USO1: variants seen among roughly 807,000 people sequenced by gnomAD.
USO1 encodes the protein general vesicular transport factor p115.
In USO1, 57 loss-of-function variants were observed where a neutral mutation model predicts 124.5. The observed-to-expected ratio is 0.46, with a 90% CI of 0.37 to 0.57. The LOEUF (loss-of-function observed/expected upper bound fraction) is 0.57, where lower values mean the gene tolerates loss of function less well. USO1 is among the 20% of genes least tolerant of loss of function. The probability of loss-of-function intolerance (pLI) is 0.00; values close to 1 mark genes in which losing one functional copy is unlikely to be tolerated. For synonymous variants in USO1, 369 were observed against 362.8 expected (o/e 1.02, Z -0.19); for missense variants, 900 against 1,040.6 (o/e 0.86, Z 1.86).
intron 12 of USO1, among the ~76,000 whole-genome samples, chr4:75,793,034 T>C (rs1325857214): frequency 6.6e-6 from 1 of 152,146 alleles, no homozygotes; most frequent in East Asian, 1.9e-4. Flanking sequence ...TTTCACTTAA[T>C]ATAATGATCT....
intron 1 of USO1, among the ~76,000 whole-genome samples, chr4:75,745,767 G>A (rs943523594): frequency 1.4e-5 from 2 of 145,780 alleles, no homozygotes; most frequent in African/African-American, 5.5e-5. Context: ...GGACGTAGTG[G>A]CACATGTTTG....
chr4:75,810,581 A>G, intron 22 of USO1, 42 bp downstream of exon 22: 1 of 1,542,442 alleles, frequency 6.5e-7, no homozygotes. Flanking sequence ...ATATGATATG[A>G]AATGAACTCT....
At chr4:75,802,299 T>C (rs1446853084) in intron 17 of USO1, among the ~76,000 whole-genome samples, 2 of 152,168 alleles carry the variant, frequency 1.3e-5, no homozygotes, top group Admixed American at 6.5e-5. Context: ...GGTACAAAGA[T>C]GGAGCCATTT....
intron 4 of USO1, among the ~76,000 whole-genome samples, chr4:75,769,002 A>G (rs1227473886): frequency 6.6e-6 from 1 of 152,120 alleles, no homozygotes; most frequent in Admixed American, 6.5e-5. Context: ...AGTGTTTCCA[A>G]TCTCAGTAAA....
At chr4:75,800,981 C>G (rs2149189656) in intron 16 of USO1, 98 bp from the exon 17 acceptor site, 1 of 1,381,042 alleles carries the variant, frequency 7.2e-7, no homozygotes, top group South Asian at 1.6e-5. Context: ...TTATTTCTTA[C>G]CTATCATGGA....
chr4:75,801,160 A>G lies in USO1; in HGVS notation c.1946A>G (p.Asp649Gly). 6.2e-7 allele frequency: 1 copy of G among 1,611,276 alleles called. No individual in the cohort carries two copies. The highest frequency in any genetic ancestry group is 8.5e-7 in the Non-Finnish European group (1 of 1,178,818). The change falls in exon 17 of 24, where the codon GAC becomes GGC. Residue 649 changes from aspartate to glycine, a missense_variant. Asp to Gly is a moderately conservative substitution (Grantham distance 94). This residue lies in a region of USO1 where 362 missense variants were observed against 359.0 expected (regional missense o/e 1.01). Coordinates refer to ENST00000514213, the MANE Select transcript of USO1 (RefSeq NM_003715.4). ...GTGAAAAAAACATTAGAACAGCATG[A>G]CAATATTGTGACTCACTACAAAAAT... ...EEVKKTLEQH[D>G]NIVTHYKNMI...
chr4:75,774,469 T>G (rs1224159243), intron 7 of USO1, among the ~76,000 whole-genome samples: 1 of 152,232 alleles, frequency 6.6e-6, no homozygotes, highest in Non-Finnish European at 1.5e-5. Flanking sequence ...TAGAAGAGGA[T>G]TCTAGTCTAG....
chr4:75,754,611 C>T (rs751443181), intron 3 of USO1, among the ~76,000 whole-genome samples: 1 of 152,212 alleles, frequency 6.6e-6, no homozygotes, highest in Non-Finnish European at 1.5e-5. Flanking sequence ...CCTTCGACCA[C>T]TTTTACCCTA....
chr4:75,727,180 C>T (rs1720488692), intron 1 of USO1, among the ~76,000 whole-genome samples: 1 of 152,154 alleles, frequency 6.6e-6, no homozygotes, highest in Non-Finnish European at 1.5e-5. Context: ...TAGAAAGTCC[C>T]AGATAGAGCC....
intron 19 of USO1, 73 bp from the exon 20 acceptor site, chr4:75,806,413 G>C: frequency 6.7e-7 from 1 of 1,491,310 alleles, no homozygotes; most frequent in Admixed American, 2.2e-5. Context: ...GTTTATATGT[G>C]TACAGTTCTG....
rs112130986 is a variant in USO1 at position 75,779,994 on chromosome 4, A to G, written c.677-2686A>G. Among the ~76,000 whole-genome samples, 557 of 152,262 alleles carry G rather than the reference A, an allele frequency of 3.7e-3. 2 individuals are homozygous for G. The highest frequency in any genetic ancestry group is 0.013 in the African/African-American group (545 of 41,558). ...AAGTTGAAGCCAGTGCTCACTTACC[A>G]TTCTGAAAATCCTAGGACCCTTAAG... On this transcript the variant is annotated intron_variant, in intron 8 of 23. Coordinates refer to ENST00000514213, the MANE Select transcript of USO1 (RefSeq NM_003715.4).
chr4:75,739,544 T>C lies in USO1; in HGVS notation c.67-12829T>C, dbSNP rs529973459. On this transcript the variant is annotated intron_variant, in intron 1 of 23. Transcript: ENST00000514213. ...TTTTGTATTTTATCTTTTTCTTTTT[T>C]TTTTTTTTTTTTTTGAGACAGAGTC... Among the ~76,000 whole-genome samples the C allele has an allele frequency of 4.1e-4, 59 of 143,812 alleles. No homozygotes were observed. In the South Asian group the frequency reaches 8.8e-3, roughly 21 times the overall value. The allele number at this position is 143,812 out of a possible 152,430, so 94.3% of individuals were successfully genotyped here. A position where few individuals can be genotyped will look rare whatever the true frequency, so the allele number is the denominator to read the frequency against.
At chr4:75,755,535 C>CT in intron 3 of USO1, 1 of 514,228 alleles carries the variant, frequency 1.9e-6, no homozygotes, top group East Asian at 5.5e-5. Flanking sequence ...ATCTCGTAGA[C>CT]TCGTTTTCAG....
intron 3 of USO1, among the ~76,000 whole-genome samples, chr4:75,755,986 C>T (rs527373648): frequency 2.8e-4 from 42 of 151,916 alleles, no homozygotes; most frequent in Non-Finnish European, 1.9e-4. Context: ...CTGGCTAACA[C>T]GGTGAAACCC....
At chr4:75,808,819 C>A in intron 20 of USO1, 134 bp from the exon 21 acceptor site, 7 of 1,016,260 alleles carry the variant, frequency 6.9e-6, no homozygotes, top group Non-Finnish European at 9.5e-6. Flanking sequence ...ACCCAAAATT[C>A]AAGAATAGTT....
intron 1 of USO1, among the ~76,000 whole-genome samples, chr4:75,748,167 G>GTGCTGGGA (rs915259773): frequency 6.6e-6 from 1 of 150,952 alleles, no homozygotes; most frequent in Non-Finnish European, 1.5e-5. Context: ...GCCTCCCAAA[G>GTGCTGGGA]TGCTGGGATT....
In USO1 at chr4:75,812,218, CTA is replaced by C. The variant is rs1676694600; in HGVS notation, c.2643_2644del (p.Asn882Ter). The C allele has an allele frequency of 1.9e-6, 3 of 1,609,906 alleles. No homozygotes were observed. The highest frequency in any genetic ancestry group is 2.5e-6 in the Non-Finnish European group (3 of 1,178,114). On this transcript the variant is annotated frameshift_variant, in exon 23 of 24. Coordinates refer to ENST00000514213, the MANE Select transcript of USO1 (RefSeq NM_003715.4). LOFTEE classifies it high-confidence loss of function. ...GCCATTAAAGAGCAGCTGGATTCAT[CTA>C]ATAGTACCATTGCCATTTTACAAAC...
intron 4 of USO1, among the ~76,000 whole-genome samples, chr4:75,766,963 C>G (rs910830324): frequency 1.3e-5 from 2 of 152,132 alleles, no homozygotes; most frequent in Non-Finnish European, 2.9e-5. Flanking sequence ...AGTAATGTAC[C>G]TCATTTCTTG....
intron 8 of USO1, among the ~76,000 whole-genome samples, chr4:75,780,603 T>TG (rs1722192680): frequency 6.7e-6 from 1 of 149,234 alleles, no homozygotes. Context: ...TAACACAACA[T>TG]GCATTTTGCA....
Sources: gnomAD v4.1 joint callset for allele counts (sites outside exome capture counted in the v4.1 genomes callset) on GRCh38, gnomAD v4.1.1 for gene constraint, gnomAD v4.1.1 regional missense constraint, MANE v1.5 for transcripts, NCBI Gene and HGNC (gene_info 2026-07-23, HGNC 2026-07-21) for gene names.